TRADD: variants seen among roughly 807,000 people sequenced by gnomAD.
TRADD encodes the protein tumor necrosis factor receptor type 1-associated DEATH domain protein.
In TRADD, 14 loss-of-function variants were observed where a neutral mutation model predicts 31.5. That is an observed-to-expected ratio of 0.44 (90% CI 0.29 to 0.69). The LOEUF is 0.69. Among genes scored for constraint, TRADD ranks in the 30% least tolerant of loss-of-function variants. TRADD has a pLI of 0.11. For missense variants in TRADD, 388 were observed against 435.7 expected, an observed-to-expected ratio of 0.89 and a Z score of 0.97; for synonymous variants, 220 against 215.8, an observed-to-expected ratio of 1.02 and a Z score of -0.17.
intron 2 of TRADD, chr16:67,155,995 GC>G (rs1567663170): frequency 1.4e-6 from 2 of 1,405,344 alleles, no homozygotes; most frequent in African/African-American, 2.9e-5. Flanking sequence ...TAGGCGGCCA[GC>G]AGGGCAGAGG....
chr16:67,154,782 A>G lies in TRADD; in HGVS notation c.806T>C (p.Leu269Pro). The G allele has an allele frequency of 2.5e-6, 4 of 1,602,036 alleles. No individual in the cohort carries two copies. The highest frequency in any genetic ancestry group is 2.6e-6 in the Non-Finnish European group (3 of 1,175,180). ...GCCCTCGGCCTGCACGAAGCGCCGCAGCAGCTGGAAGGCCTGCTCGTACAG... is the reference window on the plus strand; with the variant it reads ...GCCCTCGGCCTGCACGAAGCGCCGCGGCAGCTGGAAGGCCTGCTCGTACAG... ...EGLYEQAFQLLRRFVQAEGRR... is the reference protein window; with the variant it reads ...EGLYEQAFQLPRRFVQAEGRR... The change falls in exon 5 of 5, where the codon CTG becomes CCG. Residue 269 changes from leucine (L) to proline (P), a missense_variant. Transcript: ENST00000345057. The surrounding 1 kb of genome is among the most constrained non-coding windows in gnomAD (Gnocchi z 5.2).
Position 67,154,544 on chromosome 16 carries a change from C to T in TRADD, c.*105G>A, listed in dbSNP as rs1264342563. 1.4e-6 allele frequency: 2 copies of T among 1,410,590 alleles called. No homozygotes were observed. The highest frequency in any genetic ancestry group is 2.0e-5 in the Admixed American group (1 of 50,702). The allele number at this position is 1,410,590 out of a possible 1,614,324, so 87.4% of individuals were successfully genotyped here. A position where few individuals can be genotyped will look rare whatever the true frequency, so the allele number is the denominator to read the frequency against. On this transcript the variant is annotated 3_prime_UTR_variant, in exon 5 of 5. Transcript: ENST00000345057. This position sits in a 1 kb window ranked among gnomAD's most constrained non-coding sequence, Gnocchi z 5.2. ...TGCCCCAGCAGGTCCAGCAGATAGG[C>T]CAAGTGGAGTTTCAGGGTCCCGTGG...
At chr16:67,157,750 C>A (rs972373840) in intron 1 of TRADD, among the ~76,000 whole-genome samples, 1 of 152,160 alleles carries the variant, frequency 6.6e-6, no homozygotes, top group Non-Finnish European at 1.5e-5. Context: ...AGTATAGTAT[C>A]TCCTTCCTCC....
chr16:67,156,054 C>T lies in TRADD; in HGVS notation c.152-400G>A. The T allele has an allele frequency of 7.4e-7, 1 of 1,357,810 alleles. No homozygotes were observed. The highest frequency in any genetic ancestry group is 9.7e-7 in the Non-Finnish European group (1 of 1,034,620). 84.1% of individuals were successfully genotyped at this position (1,357,810 alleles called of 1,614,324 possible). On this transcript the variant is annotated intron_variant, in intron 2 of 4. Transcript: ENST00000345057. This position sits in a 1 kb window ranked among gnomAD's most constrained non-coding sequence, Gnocchi z 4.6. ...CGGCCTCCACCAAGCGCGACTCCCACTGCTCGGGAAGAAGAGGGGCTCTCG... is the reference window on the plus strand; with the variant it reads ...CGGCCTCCACCAAGCGCGACTCCCATTGCTCGGGAAGAAGAGGGGCTCTCG...
rs756083652 is a variant in TRADD at position 67,155,152 on chromosome 16, TTC to T, written c.570_571del (p.Lys191AlafsTer168). 1 of 1,551,306 alleles carries T rather than the reference TTC, an allele frequency of 6.4e-7. No homozygotes were observed. The highest frequency in any genetic ancestry group is 1.2e-5 in the South Asian group (1 of 85,294). On this transcript the variant is annotated frameshift_variant, in exon 4 of 5. Transcript: ENST00000345057. LOFTEE classifies it high-confidence loss of function. ...GGCAGGTGGCGGCGGCGGCGGCGGC[TTC>T]ACCTCCGACAGAGAGGGCACCGGGG...
chr16:67,158,445 G>A (rs78010815), intron 1 of TRADD, among the ~76,000 whole-genome samples: 45 of 152,310 alleles, frequency 3.0e-4, no homozygotes, highest in African/African-American at 1.1e-3. Flanking sequence ...GGTTACAGGT[G>A]TGAGGCACCA....
In TRADD at chr16:67,156,738, C is replaced by A; in HGVS notation, c.-8-70G>T. Reference sequence around the variant, plus strand: ...CCACCCTGGAGACAACTACCCAGCCCCACGTGGTTCAGCTGTCCCCACCAC... The same window carrying A: ...CCACCCTGGAGACAACTACCCAGCCACACGTGGTTCAGCTGTCCCCACCAC... On this transcript the variant is annotated intron_variant, in intron 1 of 4. Coordinates refer to ENST00000345057, the MANE Select transcript of TRADD (RefSeq NM_003789.4). This position sits in a 1 kb window ranked among gnomAD's most constrained non-coding sequence, Gnocchi z 4.6. 1 of 1,599,244 alleles carries A rather than the reference C, an allele frequency of 6.3e-7. No homozygotes were observed. Among genetic ancestry groups the A allele is most frequent in the Non-Finnish European group, 8.5e-7 (1 of 1,174,602 alleles).
rs1317698540 is a variant in TRADD at position 67,155,424 on chromosome 16, A to C, written c.382T>G (p.Leu128Val). 6.3e-7 allele frequency: 1 copy of C among 1,597,446 alleles called. No homozygotes were observed. Among genetic ancestry groups the C allele is most frequent in the Non-Finnish European group, 8.5e-7 (1 of 1,179,396 alleles). ...AAACAGCGCTCCTCGTCCGCCAGCAAAGCGTCCAGCCGCTCGGCGCCGGCG... is the reference window on the plus strand; with the variant it reads ...AAACAGCGCTCCTCGTCCGCCAGCACAGCGTCCAGCCGCTCGGCGCCGGCG... ...LRAGAERLDA[L>V]LADEERCLSC... The change falls in exon 3 of 5, where the codon TTG becomes GTG. Residue 128 changes from leucine (L) to valine (V), a missense_variant. Physicochemically the swap from Leu to Val is conservative, Grantham distance 32. Transcript: ENST00000345057.
chr16:67,158,041 G>A (rs554824512), intron 1 of TRADD, among the ~76,000 whole-genome samples: 1 of 152,250 alleles, frequency 6.6e-6, no homozygotes, highest in African/African-American at 2.4e-5. Flanking sequence ...TTAGCTATGG[G>A]GCAGGACAGA....
rs2030813349 is a variant in TRADD at position 67,159,266 on chromosome 16, G to A, written c.-9+572C>T. On this transcript the variant is annotated intron_variant, in intron 1 of 4. Transcript: ENST00000345057. The surrounding 1 kb of genome is among the most constrained non-coding windows in gnomAD (Gnocchi z 6.8). Reference sequence around the variant, plus strand: ...GTGGCCGGAGACTGTGGGGCGCTTAGGTACCGACCTAACAACTTCTGCGCC... The same window carrying A: ...GTGGCCGGAGACTGTGGGGCGCTTAAGTACCGACCTAACAACTTCTGCGCC... Among the ~76,000 whole-genome samples the A allele has an allele frequency of 6.6e-6, 1 of 152,224 alleles. No homozygotes were observed. Among genetic ancestry groups the A allele is most frequent in the African/African-American group, 2.4e-5 (1 of 41,458 alleles).
rs1041691447 is a variant in TRADD, at chr16:67,154,304, G to C, written c.*345C>G. 4 of 446,860 alleles carry C rather than the reference G, an allele frequency of 9.0e-6. No homozygotes were observed. The highest frequency in any genetic ancestry group is 7.9e-5 in the African/African-American group (4 of 50,494). 27.7% of individuals were successfully genotyped at this position (446,860 alleles called of 1,614,324 possible). A position where few individuals can be genotyped will look rare whatever the true frequency, so the allele number is the denominator to read the frequency against. On this transcript the variant is annotated 3_prime_UTR_variant, in exon 5 of 5. Transcript: ENST00000345057. This position sits in a 1 kb window ranked among gnomAD's most constrained non-coding sequence, Gnocchi z 5.2. ...CCTGTTTTACTTCACTGCAGTATCT[G>C]CAGCACCCAGGATGAAGTCCAGGAC...
Position 67,155,123 on chromosome 16 carries a change from T to C in TRADD, c.601A>G (p.Thr201Ala), listed in dbSNP as rs1242944165. ...ACAGGCTGACCCTGGAACAGAAAAGTCTGGGCAGGTGGCGGCGGCGGCGGC... is the reference window on the plus strand; with the variant it reads ...ACAGGCTGACCCTGGAACAGAAAAGCCTGGGCAGGTGGCGGCGGCGGCGGC... Reference protein sequence around the residue: ...KPPPPPPPAQTFLFQGQPVVN... With the variant: ...KPPPPPPPAQAFLFQGQPVVN... Residue 201 changes from threonine to alanine, a missense_variant, in exon 4 of 5, where the codon ACT becomes GCT. Transcript: ENST00000345057. 1 of 1,543,792 alleles carries C rather than the reference T, an allele frequency of 6.5e-7. No homozygotes were observed. Among genetic ancestry groups the C allele is most frequent in the Non-Finnish European group, 8.7e-7 (1 of 1,148,078 alleles).
Position 67,156,815 on chromosome 16 carries a change from C to T in TRADD, c.-8-147G>A. ...GTTGTCCCCACCACTGGTTGGCATA[C>T]TTGGGACAGGAGTTCACCATCTCAC... On this transcript the variant is annotated intron_variant, in intron 1 of 4. Transcript: ENST00000345057. The surrounding 1 kb of genome is among the most constrained non-coding windows in gnomAD (Gnocchi z 4.6). 1 of 1,117,782 alleles carries T rather than the reference C, an allele frequency of 8.9e-7. No homozygotes were observed. 69.2% of individuals were successfully genotyped at this position (1,117,782 alleles called of 1,614,324 possible).
Position 67,154,442 on chromosome 16 carries a change from C to T in TRADD, c.*207G>A, listed in dbSNP as rs2030575424. The stretch of plus-strand genomic sequence containing the variant: ...CAAAGCAGGTCCCCCCCACCCCACA[C>T]TCTATCAAAGTACCTGAGGCAGAAT... On this transcript the variant is annotated 3_prime_UTR_variant, in exon 5 of 5. Transcript: ENST00000345057. The surrounding 1 kb of genome is among the most constrained non-coding windows in gnomAD (Gnocchi z 5.2). 5 of 650,980 alleles carry T rather than the reference C, an allele frequency of 7.7e-6. No individual in the cohort carries two copies. The highest frequency in any genetic ancestry group is 1.1e-5 in the Non-Finnish European group (4 of 377,662). 40.3% of individuals were successfully genotyped at this position (650,980 alleles called of 1,614,324 possible).
At position 67,156,425 on chromosome 16, in the gene TRADD, C is replaced by T. The variant is rs1300210103; in HGVS notation, c.151+85G>A. 2 of 1,592,018 alleles carry T rather than the reference C, an allele frequency of 1.3e-6. No individual in the cohort carries two copies. Among genetic ancestry groups the T allele is most frequent in the African/African-American group, 1.3e-5 (1 of 74,840 alleles). ...TCTTGCTCCTCCCACCCCAAATCTT[C>T]TTCTTAAAGGTGGCTAAACCCAGGC... On this transcript the variant is annotated intron_variant, in intron 2 of 4. Coordinates refer to ENST00000345057, the MANE Select transcript of TRADD (RefSeq NM_003789.4). This position sits in a 1 kb window ranked among gnomAD's most constrained non-coding sequence, Gnocchi z 4.6.
chr16:67,155,202 C>G lies in TRADD; in HGVS notation c.522G>C (p.Glu174Asp), dbSNP rs1375446584. The G allele has an allele frequency of 6.3e-7, 1 of 1,587,070 alleles. No homozygotes were observed. ...CGSGARGGDGEVASAPLQPPV... is the reference protein window; with the variant it reads ...CGSGARGGDGDVASAPLQPPV... Reference sequence around the variant, plus strand: ...GGGGCTGCAAGGGGGCCGAAGCGACCTCCCCGTCGCCACCCCGGGCCCCCG... The same window carrying G: ...GGGGCTGCAAGGGGGCCGAAGCGACGTCCCCGTCGCCACCCCGGGCCCCCG... Residue 174 changes from glutamate (E) to aspartate (D), a missense_variant, in exon 4 of 5, where the codon GAG (glutamate) becomes GAC (aspartate). Transcript: ENST00000345057.
intron 4 of TRADD, 49 bp from the exon 5 acceptor site, chr16:67,155,008 G>A (rs1420267399): frequency 6.3e-7 from 1 of 1,576,880 alleles, no homozygotes; most frequent in South Asian, 1.2e-5. Flanking sequence ...CCCCAGCGCC[G>A]GTCCCACCCA....
rs761433729 is a variant in TRADD, at chr16:67,156,065, G to T, written c.152-411C>A. 5 of 1,354,104 alleles carry T rather than the reference G, an allele frequency of 3.7e-6. No homozygotes were observed. Among genetic ancestry groups the T allele is most frequent in the Non-Finnish European group, 4.8e-6 (5 of 1,032,230 alleles). The allele number at this position is 1,354,104 out of a possible 1,614,324, so 83.9% of individuals were successfully genotyped here. On this transcript the variant is annotated intron_variant, in intron 2 of 4. Coordinates refer to ENST00000345057, the MANE Select transcript of TRADD (RefSeq NM_003789.4). This position sits in a 1 kb window ranked among gnomAD's most constrained non-coding sequence, Gnocchi z 4.6. ...AAGCGCGACTCCCACTGCTCGGGAA[G>T]AAGAGGGGCTCTCGCCGCTCTGAGG...
chr16:67,158,170 A>T (rs1307149129), intron 1 of TRADD, among the ~76,000 whole-genome samples: 2 of 152,008 alleles, frequency 1.3e-5, no homozygotes, highest in African/African-American at 4.8e-5. Context: ...TGTTTTTTCA[A>T]TTGTCTTGTT....
Sources: allele counts gnomAD v4.1 joint callset (sites outside exome capture counted in the v4.1 genomes callset), GRCh38; gene constraint gnomAD v4.1.1; non-coding constraint Gnocchi (gnomAD v3.1); transcripts MANE v1.5; gene names NCBI Gene and HGNC (gene_info 2026-07-23, HGNC 2026-07-21).